ANK2: variants seen among roughly 807,000 people sequenced by gnomAD.
ANK2 encodes the protein ankyrin 2.
ANK2 carries 83 observed loss-of-function variants against 360.5 expected under a neutral mutation model. The ratio of observed to expected loss-of-function variants is 0.23; its 90% confidence interval spans 0.19 to 0.28. The LOEUF is 0.28. ANK2 is among the 10% of genes least tolerant of loss of function. The pLI, the probability that ANK2 is intolerant of heterozygous loss-of-function variation, is 1.00. For missense variants in ANK2, 4,201 were observed against 4,795.7 expected (o/e 0.88, Z 3.66); for synonymous variants, 1,740 against 1,759.5 (o/e 0.99, Z 0.28).
chr4:113,092,902 T>C (rs1043381429), intron 1 of ANK2, among the ~76,000 whole-genome samples: 2 of 152,274 alleles, frequency 1.3e-5, no homozygotes, highest in Admixed American at 6.5e-5. Context: ...TACACAGATA[T>C]ATAAATATGC....
At chr4:113,082,941 T>C (rs1386711094) in intron 1 of ANK2, among the ~76,000 whole-genome samples, 1 of 152,212 alleles carries the variant, frequency 6.6e-6, no homozygotes, top group Non-Finnish European at 1.5e-5. Flanking sequence ...CTGAGAGTCA[T>C]TTATAAAGGT....
the ANK2 span, among the ~76,000 whole-genome samples, chr4:112,744,045 C>T: frequency 6.6e-6 from 1 of 151,968 alleles, no homozygotes; most frequent in Non-Finnish European, 1.5e-5. Flanking sequence ...GCCATGTTGG[C>T]CAGGCTGGTC....
chr4:112,720,001 A>G, the ANK2 span, among the ~76,000 whole-genome samples: 1 of 152,182 alleles, frequency 6.6e-6, no homozygotes, highest in East Asian at 1.9e-4. Context: ...GAGTTAGTCA[A>G]CAGCCGGATC....
intron 2 of ANK2, among the ~76,000 whole-genome samples, chr4:112,967,025 A>G (rs2154263870): frequency 6.6e-6 from 1 of 152,322 alleles, no homozygotes; most frequent in African/African-American, 2.4e-5. Flanking sequence ...TAAGCAGTTC[A>G]GAGTAGTAGG....
chr4:113,203,267 A>G (rs922622499), intron 4 of ANK2, among the ~76,000 whole-genome samples: 1 of 152,194 alleles, frequency 6.6e-6, no homozygotes, highest in African/African-American at 2.4e-5. Context: ...TGTTAGACTC[A>G]GAGACATTAC....
At chr4:113,365,220 TG>T (rs756519323) in intron 41 of ANK2, 38 bp downstream of exon 41, 1 of 1,600,842 alleles carries the variant, frequency 6.2e-7, no homozygotes, top group South Asian at 1.1e-5. Context: ...TGTGTGTGTG[TG>T]TGTGTGTGTG....
rs1341951593 is a variant in ANK2 at position 113,365,100 on chromosome 4, G to T, written c.10950G>T (p.Glu3650Asp). Residue 3650 changes from glutamate (E) to aspartate (D), a missense_variant, in exon 41 of 46, where the codon GAG becomes GAT. Coordinates refer to ENST00000357077, the MANE Select transcript of ANK2 (RefSeq NM_001148.6). ...INRMDIVHLM[E>D]TNTEPLQERI... ...GAATGGATATTGTTCATCTCATGGA[G>T]ACCAACACAGAACCTCTCCAGGAGC... 6.2e-7 allele frequency: 1 copy of T among 1,613,994 alleles called. No individual in the cohort carries two copies. The highest frequency in any genetic ancestry group is 8.5e-7 in the Non-Finnish European group (1 of 1,179,938).
chr4:112,986,453 G>T (rs2044900955), intron 2 of ANK2, among the ~76,000 whole-genome samples: 1 of 152,074 alleles, frequency 6.6e-6, no homozygotes, highest in South Asian at 2.1e-4. Context: ...GTTTTTGTTT[G>T]TTTGTTTGTT....
intron 1 of ANK2, among the ~76,000 whole-genome samples, chr4:112,889,745 T>G (rs1346653680): frequency 6.6e-6 from 1 of 152,220 alleles, no homozygotes; most frequent in African/African-American, 2.4e-5. Flanking sequence ...TGGTCTTTAC[T>G]TCACATCCCA....
At position 113,097,874 on chromosome 4, in the gene ANK2, ATG is replaced by A. The variant is rs1402230613; in HGVS notation, c.84+48063_84+48064del. On this transcript the variant is annotated intron_variant, in intron 1 of 45. Coordinates refer to ENST00000357077, the MANE Select transcript of ANK2 (RefSeq NM_001148.6). The stretch of plus-strand genomic sequence containing the variant: ...TGTGTGTGTGTGTGTGTGTATATAT[ATG>A]CACACACACACACACGCACACACAC... Among the ~76,000 whole-genome samples the A allele has an allele frequency of 5.1e-4, 60 of 117,928 alleles. 1 individual carries two copies. The highest frequency in any genetic ancestry group is 8.3e-4 in the Non-Finnish European group (48 of 57,488). The allele number at this position is 117,928 out of a possible 152,430, so 77.4% of individuals were successfully genotyped here.
intron 2 of ANK2, among the ~76,000 whole-genome samples, chr4:112,987,474 G>A (rs556093749): frequency 3.3e-5 from 5 of 152,122 alleles, no homozygotes; most frequent in Non-Finnish European, 7.4e-5. Context: ...GCAGGTCTTT[G>A]GGGGAAGGGT....
the ANK2 span, among the ~76,000 whole-genome samples, chr4:112,760,348 G>A: frequency 4.0e-5 from 6 of 151,752 alleles, no homozygotes; most frequent in African/African-American, 1.2e-4. Context: ...TACCACGCCC[G>A]GCTAATTTTT....
At chr4:113,183,038 G>C (rs1307055681) in intron 2 of ANK2, among the ~76,000 whole-genome samples, 1 of 152,134 alleles carries the variant, frequency 6.6e-6, no homozygotes, top group African/African-American at 2.4e-5. Flanking sequence ...TGCACAAGTG[G>C]AGGGACTGGC....
the ANK2 span, among the ~76,000 whole-genome samples, chr4:112,744,812 T>G: frequency 4.9e-4 from 74 of 152,376 alleles, no homozygotes; most frequent in African/African-American, 1.7e-3. Flanking sequence ...ATTAAGCTTT[T>G]TCTCTCATTT....
chr4:113,178,445 G>A (rs747384154), intron 2 of ANK2, among the ~76,000 whole-genome samples: 5 of 151,590 alleles, frequency 3.3e-5, no homozygotes, highest in Admixed American at 6.6e-5. Flanking sequence ...GGCAGCAGGC[G>A]CCTGTAATTC....
intron 2 of ANK2, among the ~76,000 whole-genome samples, chr4:113,043,124 C>T (rs570037479): frequency 6.6e-6 from 1 of 152,096 alleles, no homozygotes; most frequent in South Asian, 2.1e-4. Flanking sequence ...AGGAGAAAGA[C>T]ATAGGTGAGA....
chr4:112,791,818 A>T, the ANK2 span, among the ~76,000 whole-genome samples: 1 of 151,522 alleles, frequency 6.6e-6, no homozygotes, highest in Non-Finnish European at 1.5e-5. Context: ...AGCAGCCTAT[A>T]CTTTGTTAGA....
chr4:113,292,332 A>G, intron 20 of ANK2, 84 bp from the exon 21 acceptor site: 1 of 1,197,164 alleles, frequency 8.4e-7, no homozygotes, highest in South Asian at 1.3e-5. Flanking sequence ...TGTTGTAAAT[A>G]AGACTATTCA....
rs552417591 is a variant in ANK2 at position 112,855,285 on chromosome 4, A to G, written c.-40+37021A>G. On this transcript the variant is annotated intron_variant, in intron 1 of 30. Coordinates refer to the ANK2 transcript ENST00000503271. ...CTTCTGTAATCTCTCACTGTCCACC[A>G]GTCTGCTCATACTGAAGTGTTGCCA... is the stretch of plus-strand genomic sequence containing the variant. 5.3e-5 allele frequency among the ~76,000 whole-genome samples: 8 copies of G among 152,310 alleles called. No homozygotes were observed. The East Asian group carries it at 7.7e-4, about 15-fold the overall frequency.
Sources: allele counts gnomAD v4.1 joint callset (sites outside exome capture counted in the v4.1 genomes callset), GRCh38; gene constraint gnomAD v4.1.1; transcripts MANE v1.5; gene names NCBI Gene and HGNC (gene_info 2026-07-23, HGNC 2026-07-21).